Variants in KCNH5 observed in about 807,000 individuals in gnomAD.
KCNH5 encodes voltage-gated delayed rectifier potassium channel KCNH5.
A neutral mutation model predicts 96.1 loss-of-function variants in KCNH5; 46 were observed. The ratio of observed to expected loss-of-function variants is 0.48; its 90% confidence interval spans 0.38 to 0.61. KCNH5 has a LOEUF of 0.61. KCNH5 is among the 20% of genes least tolerant of loss of function. KCNH5 has a pLI of 0.00. For missense variants in KCNH5, 907 were observed against 1,225.8 expected (o/e 0.74, Z 3.88); for synonymous variants, 439 against 449.8 (o/e 0.98, Z 0.30).
At chr14:62,844,246 A>G (rs73274776) in intron 8 of KCNH5, among the ~76,000 whole-genome samples, 469 of 152,248 alleles carry the variant, frequency 3.1e-3, no homozygotes, top group African/African-American at 0.011. Flanking sequence ...AGAAAAAAGT[A>G]AGATATTGGA....
At chr14:62,961,881 AGGAGATGGAGATGGAGATGATGCAGAT>A (rs1296844236) in intron 6 of KCNH5, among the ~76,000 whole-genome samples, 2 of 149,638 alleles carry the variant, frequency 1.3e-5, no homozygotes, top group East Asian at 3.9e-4. Context: ...CAAATGCAGA[AGGAGATGGAGATGGAGATGATGCAGAT>A]GGAGATGGAG....
chr14:63,001,224 C>T, intron 4 of KCNH5, 107 bp downstream of exon 4: 1 of 922,484 alleles, frequency 1.1e-6, no homozygotes, highest in Non-Finnish European at 1.6e-6. Context: ...AAAGAAAGGC[C>T]ACATAGTAGA....
intron 10 of KCNH5, among the ~76,000 whole-genome samples, chr14:62,714,895 A>G (rs1884650596): frequency 6.6e-6 from 1 of 152,224 alleles, no homozygotes; most frequent in African/African-American, 2.4e-5. Flanking sequence ...AAAATTAAGG[A>G]CAAAATTTAA....
At chr14:63,008,678 C>T (rs1376039132) in intron 2 of KCNH5, among the ~76,000 whole-genome samples, 1 of 151,892 alleles carries the variant, frequency 6.6e-6, no homozygotes, top group East Asian at 1.9e-4. Context: ...AAATGACAGA[C>T]TCTTAATTCC....
intron 10 of KCNH5, among the ~76,000 whole-genome samples, chr14:62,742,879 T>C (rs1885300245): frequency 6.6e-6 from 1 of 152,160 alleles, no homozygotes; most frequent in Non-Finnish European, 1.5e-5. Context: ...ACTTCAGAGA[T>C]ACTGAATCGT....
chr14:62,776,480 C>A (rs960401427), intron 10 of KCNH5, among the ~76,000 whole-genome samples: 2 of 152,140 alleles, frequency 1.3e-5, no homozygotes, highest in African/African-American at 4.8e-5. Context: ...CACTTCCCAG[C>A]CTCCAGAACT....
intron 5 of KCNH5, among the ~76,000 whole-genome samples, chr14:62,986,579 C>G (rs1890712700): frequency 6.6e-6 from 1 of 152,138 alleles, no homozygotes; most frequent in Admixed American, 6.6e-5. Flanking sequence ...GGTATCATCT[C>G]ACTCACACAG....
intron 3 of KCNH5, among the ~76,000 whole-genome samples, chr14:63,003,513 A>T (rs1423020241): frequency 3.6e-5 from 4 of 110,536 alleles, no homozygotes; most frequent in East Asian, 2.7e-4. Flanking sequence ...TTTTATATAT[A>T]TTTTATATAT....
intron 10 of KCNH5, chr14:62,712,600 C>T: frequency 1.4e-6 from 1 of 731,910 alleles, no homozygotes; most frequent in Admixed American, 1.9e-5. Flanking sequence ...AACTTTTATA[C>T]TTTCTCCTGG....
At chr14:62,785,833 A>T (rs79920893) in intron 9 of KCNH5, among the ~76,000 whole-genome samples, 3,220 of 152,240 alleles carry the variant, frequency 0.021, 126 homozygotes, top group African/African-American at 0.074. Flanking sequence ...AGCCAGATTT[A>T]TTTTTTCAAA....
chr14:62,776,322 A>G (rs532218078), intron 10 of KCNH5, among the ~76,000 whole-genome samples: 19 of 151,840 alleles, frequency 1.3e-4, no homozygotes, highest in Admixed American at 9.2e-4. Context: ...TAAGACACCA[A>G]TGAGCTAGCT....
At chr14:62,761,417 T>A (rs2139956179) in intron 10 of KCNH5, among the ~76,000 whole-genome samples, 1 of 150,430 alleles carries the variant, frequency 6.6e-6, no homozygotes, top group Admixed American at 6.6e-5. Context: ...CAGATCAGAA[T>A]CAGCATGGAA....
intron 7 of KCNH5, among the ~76,000 whole-genome samples, chr14:62,924,804 T>G (rs2140111115): frequency 6.6e-6 from 1 of 152,012 alleles, no homozygotes; most frequent in East Asian, 1.9e-4. Context: ...TACCAGGTAC[T>G]TAGAAGTGGG....
chr14:62,945,256 G>A (rs910583020), intron 7 of KCNH5, among the ~76,000 whole-genome samples: 1 of 152,088 alleles, frequency 6.6e-6, no homozygotes, highest in Non-Finnish European at 1.5e-5. Flanking sequence ...TCGATAGGCC[G>A]ATAAGACACG....
At chr14:62,861,115 G>C (rs966621056) in intron 7 of KCNH5, among the ~76,000 whole-genome samples, 1 of 152,098 alleles carries the variant, frequency 6.6e-6, no homozygotes, top group Non-Finnish European at 1.5e-5. Flanking sequence ...AAATCAGATA[G>C]GTCTGTGTTA....
intron 8 of KCNH5, among the ~76,000 whole-genome samples, chr14:62,828,748 T>C (rs1301806356): frequency 6.6e-6 from 1 of 152,110 alleles, no homozygotes; most frequent in African/African-American, 2.4e-5. Flanking sequence ...ATTCCATCCC[T>C]GGCCCCTCCC....
chr14:62,787,601 CATAG>C (rs143760273), intron 9 of KCNH5, among the ~76,000 whole-genome samples: 4,440 of 152,206 alleles, frequency 0.029, 234 homozygotes, highest in African/African-American at 0.1. Flanking sequence ...CTGGGACTTT[CATAG>C]ATAGAGAGAA....
intron 7 of KCNH5, among the ~76,000 whole-genome samples, chr14:62,882,650 G>A (rs1019208418): frequency 6.6e-6 from 1 of 152,126 alleles, no homozygotes; most frequent in Admixed American, 6.5e-5. Flanking sequence ...TTACAACAGG[G>A]TATGGAACAT....
At chr14:62,877,624 G>A (rs1236745006) in intron 7 of KCNH5, among the ~76,000 whole-genome samples, 2 of 152,262 alleles carry the variant, frequency 1.3e-5, no homozygotes, top group South Asian at 2.1e-4. Context: ...TCAGAGAAAT[G>A]CAAATCAAAA....
Sources: allele counts gnomAD v4.1 joint callset (sites outside exome capture counted in the v4.1 genomes callset), GRCh38; gene constraint gnomAD v4.1.1; transcripts MANE v1.5; gene names NCBI Gene and HGNC (gene_info 2026-07-23, HGNC 2026-07-21).